Variants in ARHGAP44 observed in about 807,000 individuals in gnomAD.
ARHGAP44 encodes the protein rho GTPase-activating protein 44.
Under a neutral mutation model 106.8 loss-of-function variants are expected in ARHGAP44, and 43 were observed. The ratio of observed to expected loss-of-function variants is 0.40; its 90% CI spans 0.32 to 0.52. ARHGAP44 has a LOEUF of 0.52. Ranked by LOEUF, ARHGAP44 falls within the 20% of genes least tolerant of loss-of-function variation. The pLI, the probability that ARHGAP44 is intolerant of heterozygous loss-of-function variation, is 0.48. For missense variants in ARHGAP44, 866 were observed against 1,050.5 expected (o/e 0.82, Z 2.43); for synonymous variants, 439 against 410.3 (o/e 1.07, Z -0.85).
At position 12,941,088 on chromosome 17, in the gene ARHGAP44, G is replaced by T. The variant is rs760376865; in HGVS notation, c.615G>T (p.Val205=). ...DQLSADMYSF[V]AKEIDYANYF... ...TCTCAGCTGATATGTACAGTTTTGTGGCCAAAGAAATTGACTATGCAAACT... is the reference window on the plus strand; with the variant it reads ...TCTCAGCTGATATGTACAGTTTTGTTGCCAAAGAAATTGACTATGCAAACT... Residue 205 remains valine, a synonymous_variant, in exon 8 of 21, where the codon GTG becomes GTT. Transcript: ENST00000379672. The T allele has an allele frequency of 1.2e-6, 2 of 1,613,968 alleles. No individual in the cohort carries two copies. Among genetic ancestry groups the T allele is most frequent in the South Asian group, 2.2e-5 (2 of 91,080 alleles).
chr17:12,893,543 G>T (rs539156747), intron 1 of ARHGAP44, among the ~76,000 whole-genome samples: 1 of 152,258 alleles, frequency 6.6e-6, no homozygotes, highest in Admixed American at 6.5e-5. Flanking sequence ...AGTGATAGAC[G>T]CTTCCACTCC....
chr17:12,801,895 G>GA lies in ARHGAP44; in HGVS notation c.53+12013dup, dbSNP rs149897604. 8.0e-4 allele frequency among the ~76,000 whole-genome samples: 119 copies of GA among 149,046 alleles called. 2 individuals are homozygous for GA. The highest frequency in any genetic ancestry group is 2.7e-3 in the Admixed American group (40 of 15,006). The stretch of plus-strand genomic sequence containing the variant: ...ACGTGTATTTTATTGAAGAGAGAGA[G>GA]AAAAAAAAAGCTTCCAGGGCTCAAA... On this transcript the variant is annotated intron_variant, in intron 1 of 20. Transcript: ENST00000379672.
At chr17:12,951,253 A>G (rs1326764943) in intron 12 of ARHGAP44, among the ~76,000 whole-genome samples, 3 of 152,322 alleles carry the variant, frequency 2.0e-5, no homozygotes, top group South Asian at 2.1e-4. Flanking sequence ...CAAGAACCCT[A>G]TGAAGTGGGG....
At chr17:12,799,716 G>C (rs1323282382) in intron 1 of ARHGAP44, among the ~76,000 whole-genome samples, 1 of 152,116 alleles carries the variant, frequency 6.6e-6, no homozygotes, top group East Asian at 1.9e-4. Context: ...TGCAAACTCT[G>C]CCTCCCGGGT....
chr17:12,903,835 G>A (rs2037468265), intron 3 of ARHGAP44, among the ~76,000 whole-genome samples: 1 of 152,148 alleles, frequency 6.6e-6, no homozygotes, highest in South Asian at 2.1e-4. Flanking sequence ...CTTGAAATGG[G>A]GGCGACCAAA....
intron 3 of ARHGAP44, among the ~76,000 whole-genome samples, chr17:12,906,347 T>G (rs28703653): frequency 0.071 from 10,803 of 152,002 alleles, 433 homozygotes; most frequent in East Asian, 0.1. Flanking sequence ...ATACCTGGAG[T>G]TGGTGTCAGA....
At chr17:12,841,980 C>T (rs1480652799) in intron 1 of ARHGAP44, among the ~76,000 whole-genome samples, 4 of 151,850 alleles carry the variant, frequency 2.6e-5, no homozygotes, top group South Asian at 4.2e-4. Flanking sequence ...ACAGCAATAC[C>T]GGTTTAGGGA....
chr17:12,977,824 G>A (rs144090790), intron 18 of ARHGAP44, among the ~76,000 whole-genome samples: 12,970 of 152,088 alleles, frequency 0.085, 726 homozygotes, highest in Admixed American at 0.12. Context: ...TGGATCCTGA[G>A]GTCAGGAGAT....
rs869172678 is a variant in ARHGAP44, at chr17:12,802,753, CTTTTTTTTT to C, written c.53+12877_53+12885del. ...CAAAGTAGTCCATTCTTTTTTATTT[CTTTTTTTTT>C]TTTTTTTTTTTTTTGATACGAAGTC... On this transcript the variant is annotated intron_variant, in intron 1 of 20. Transcript: ENST00000379672. Among the ~76,000 whole-genome samples, 904 of 108,698 alleles carry C rather than the reference CTTTTTTTTT, an allele frequency of 8.3e-3. 16 individuals are homozygous for C. Among genetic ancestry groups the C allele is most frequent in the African/African-American group, 0.029 (860 of 29,640 alleles). 71.3% of individuals were successfully genotyped at this position (108,698 alleles called of 152,430 possible).
chr17:12,836,602 C>T (rs1043009163), intron 1 of ARHGAP44, among the ~76,000 whole-genome samples: 1 of 151,702 alleles, frequency 6.6e-6, no homozygotes, highest in Non-Finnish European at 1.5e-5. Context: ...GAGCTGAGAT[C>T]ACCGAGATCA....
intron 3 of ARHGAP44, among the ~76,000 whole-genome samples, chr17:12,897,141 C>T (rs1170677176): frequency 6.6e-6 from 1 of 152,180 alleles, no homozygotes; most frequent in African/African-American, 2.4e-5. Context: ...CCTCTCAGCC[C>T]CACCAAAGAT....
chr17:12,825,416 T>TTG (rs35243771), intron 1 of ARHGAP44, among the ~76,000 whole-genome samples: 6,602 of 148,136 alleles, frequency 0.045, 158 homozygotes, highest in East Asian at 0.07. Context: ...AGGAGTGTGT[T>TTG]TGTGTGTGTG....
chr17:12,825,367 G>C (rs2034889006), intron 1 of ARHGAP44, among the ~76,000 whole-genome samples: 1 of 151,952 alleles, frequency 6.6e-6, no homozygotes. Flanking sequence ...AATGACATGA[G>C]GGACTGTATT....
chr17:12,871,213 G>T (rs913723616), intron 1 of ARHGAP44, among the ~76,000 whole-genome samples: 11 of 152,140 alleles, frequency 7.2e-5, no homozygotes, highest in Non-Finnish European at 1.5e-4. Flanking sequence ...TTGGTTCTGT[G>T]TCCCCATCAA....
chr17:12,898,650 A>C (rs1279237280), intron 3 of ARHGAP44, among the ~76,000 whole-genome samples: 2 of 152,190 alleles, frequency 1.3e-5, no homozygotes, highest in Non-Finnish European at 2.9e-5. Context: ...TCACATAACC[A>C]TATCACAGGC....
At chr17:12,841,907 A>T (rs995787748) in intron 1 of ARHGAP44, among the ~76,000 whole-genome samples, 3 of 152,178 alleles carry the variant, frequency 2.0e-5, no homozygotes, top group Non-Finnish European at 4.4e-5. Flanking sequence ...TAGTTATGCA[A>T]ACACGTTGAA....
intron 1 of ARHGAP44, among the ~76,000 whole-genome samples, chr17:12,830,781 T>G (rs2035064111): frequency 6.6e-6 from 1 of 152,212 alleles, no homozygotes; most frequent in South Asian, 2.1e-4. Context: ...TCCTGACAGC[T>G]CTCATCTGGT....
At chr17:12,925,203 A>C (rs2038196567) in intron 6 of ARHGAP44, among the ~76,000 whole-genome samples, 2 of 152,158 alleles carry the variant, frequency 1.3e-5, no homozygotes, top group Non-Finnish European at 2.9e-5. Context: ...AAAGTGCCAA[A>C]GAGGGACTCC....
intron 3 of ARHGAP44, among the ~76,000 whole-genome samples, chr17:12,907,221 C>G (rs1185567070): frequency 1.3e-5 from 2 of 152,146 alleles, no homozygotes; most frequent in Non-Finnish European, 2.9e-5. Context: ...GTGGTTCTTA[C>G]CTTGTTTTTG....
Sources: allele counts gnomAD v4.1 joint callset (sites outside exome capture counted in the v4.1 genomes callset), GRCh38; gene constraint gnomAD v4.1.1; transcripts MANE v1.5; gene names NCBI Gene and HGNC (gene_info 2026-07-23, HGNC 2026-07-21).